The following ADAMTS20 variants were observed in gnomAD, a reference collection of about 807,000 sequenced individuals.
ADAMTS20 encodes ADAM metallopeptidase with thrombospondin type 1 motif 20.
ADAMTS20 carries 225 observed loss-of-function variants against 260.1 expected under a neutral mutation model. The ratio of observed to expected loss-of-function variants is 0.87; its 90% confidence interval spans 0.78 to 0.97. ADAMTS20 has a LOEUF of 0.97. Among genes scored for constraint, ADAMTS20 ranks in the 50% least tolerant of loss-of-function variants. The pLI is 0.00. For missense variants in ADAMTS20, 2,400 were observed against 2,337.7 expected (o/e 1.03, Z -0.55); for synonymous variants, 802 against 769.5 (o/e 1.04, Z -0.70).
At chr12:43,496,457 A>G (rs1260289648) in intron 4 of ADAMTS20, among the ~76,000 whole-genome samples, 1 of 152,200 alleles carries the variant, frequency 6.6e-6, no homozygotes, top group African/African-American at 2.4e-5. Flanking sequence ...AAAACATTTG[A>G]AGACATTTCA....
intron 7 of ADAMTS20, among the ~76,000 whole-genome samples, chr12:43,481,949 T>G (rs192206476): frequency 4.6e-4 from 69 of 151,056 alleles, no homozygotes; most frequent in African/African-American, 1.6e-3. Context: ...CTCCCAAGGG[T>G]GAATTGGGGA....
intron 31 of ADAMTS20, among the ~76,000 whole-genome samples, chr12:43,378,627 T>G (rs7955963): frequency 0.015 from 2,355 of 152,206 alleles, 54 homozygotes; most frequent in African/African-American, 0.053. Context: ...TCAAAATACA[T>G]GTATAGGAAT....
At chr12:43,460,211 A>G (rs1160940003) in intron 11 of ADAMTS20, among the ~76,000 whole-genome samples, 1 of 152,204 alleles carries the variant, frequency 6.6e-6, no homozygotes, top group Non-Finnish European at 1.5e-5. Flanking sequence ...CTTTGCTTTC[A>G]ATCTGCATTG....
intron 18 of ADAMTS20, among the ~76,000 whole-genome samples, chr12:43,435,665 AT>A (rs1285539057): frequency 4.3e-5 from 6 of 138,554 alleles, no homozygotes; most frequent in African/African-American, 7.9e-5. Context: ...AAACAAAAAA[AT>A]AAAAATAAAA....
chr12:43,551,996 C>G lies in ADAMTS20; in HGVS notation c.-75G>C, dbSNP rs970561098. The G allele has an allele frequency of 6.4e-6, 8 of 1,257,706 alleles. No individual in the cohort carries two copies. In the African/African-American group the frequency reaches 1.0e-4, roughly 16 times the overall value. 77.9% of individuals were successfully genotyped at this position (1,257,706 alleles called of 1,614,324 possible). On this transcript the variant is annotated 5_prime_UTR_variant, in exon 1 of 39. Transcript: ENST00000389420. The surrounding 1 kb of genome is among the most constrained non-coding windows in gnomAD (Gnocchi z 4.6). ...AGCCAAGCCGGCTTCCCTCGCGCTC[C>G]GATCCCTCTCCTCCCTCTCGCCCGC...
At chr12:43,510,378 T>A (rs1162361770) in intron 3 of ADAMTS20, among the ~76,000 whole-genome samples, 1 of 152,064 alleles carries the variant, frequency 6.6e-6, no homozygotes, top group African/African-American at 2.4e-5. Flanking sequence ...ACTGTAATTT[T>A]AAATTTAAAT....
chr12:43,425,428 C>T (rs944360346), intron 28 of ADAMTS20, 86 bp downstream of exon 28: 21 of 1,183,796 alleles, frequency 1.8e-5, no homozygotes, highest in South Asian at 5.3e-5. Flanking sequence ...AAATAAAAGT[C>T]GAAGAAAAGA....
intron 3 of ADAMTS20, among the ~76,000 whole-genome samples, chr12:43,513,367 A>T (rs1942951465): frequency 6.6e-6 from 1 of 152,210 alleles, no homozygotes; most frequent in Non-Finnish European, 1.5e-5. Flanking sequence ...ATTCCTGCAT[A>T]CATTGGGAAC....
At chr12:43,371,569 T>C (rs1037341083) in intron 36 of ADAMTS20, among the ~76,000 whole-genome samples, 1 of 152,054 alleles carries the variant, frequency 6.6e-6, no homozygotes, top group East Asian at 1.9e-4. Flanking sequence ...ATGGTCTTAT[T>C]TAGAAGATAA....
At chr12:43,407,134 A>T (rs1383608048) in intron 28 of ADAMTS20, among the ~76,000 whole-genome samples, 1 of 152,030 alleles carries the variant, frequency 6.6e-6, no homozygotes, top group Non-Finnish European at 1.5e-5. Context: ...ATTTGGTTTT[A>T]AAAATATTTA....
In ADAMTS20 at chr12:43,354,391, C is replaced by T. The variant is rs1169484302; in HGVS notation, c.5644-93G>A. ...AAAGCAAATGCTTTGAATCATATGG[C>T]TAAAATCATTAGCAGAGGTTTCCTA... On this transcript the variant is annotated intron_variant, in intron 38 of 38. Coordinates refer to ENST00000389420, the MANE Select transcript of ADAMTS20 (RefSeq NM_025003.5). 30 of 867,528 alleles carry T rather than the reference C, an allele frequency of 3.5e-5. 1 individual carries two copies. Among genetic ancestry groups the T allele is most frequent in the South Asian group, 3.1e-4 (19 of 62,012 alleles). The allele number at this position is 867,528 out of a possible 1,614,324, so 53.7% of individuals were successfully genotyped here. A position where few individuals can be genotyped will look rare whatever the true frequency, so the allele number is the denominator to read the frequency against.
At chr12:43,501,505 G>C (rs1185406149) in intron 4 of ADAMTS20, among the ~76,000 whole-genome samples, 2 of 39,050 alleles carry the variant, frequency 5.1e-5, no homozygotes, top group South Asian at 2.4e-3. Flanking sequence ...ACACACACAT[G>C]TAAGGATGAA....
At chr12:43,536,385 G>A (rs546755281) in intron 2 of ADAMTS20, among the ~76,000 whole-genome samples, 13 of 152,212 alleles carry the variant, frequency 8.5e-5, no homozygotes, top group Admixed American at 2.6e-4. Flanking sequence ...GCCAAGAACC[G>A]TTCTAGGGGC....
chr12:43,496,958 A>C (rs1459512151), intron 4 of ADAMTS20, among the ~76,000 whole-genome samples: 2 of 152,164 alleles, frequency 1.3e-5, no homozygotes, highest in Non-Finnish European at 2.9e-5. Context: ...CATAGGACTA[A>C]TATTCCATTC....
chr12:43,415,009 C>CAT (rs1480634980), intron 28 of ADAMTS20, among the ~76,000 whole-genome samples: 2 of 152,036 alleles, frequency 1.3e-5, no homozygotes, highest in Non-Finnish European at 2.9e-5. Context: ...ATATACAAGT[C>CAT]ATAGAAGTTA....
At chr12:43,370,216 G>A (rs541478874) in intron 36 of ADAMTS20, among the ~76,000 whole-genome samples, 6 of 152,232 alleles carry the variant, frequency 3.9e-5, no homozygotes, top group South Asian at 2.1e-4. Context: ...TCTCCAAAGG[G>A]CAGTTTCAAA....
chr12:43,499,393 A>C (rs1407844471), intron 4 of ADAMTS20, among the ~76,000 whole-genome samples: 2 of 151,996 alleles, frequency 1.3e-5, no homozygotes, highest in Non-Finnish European at 2.9e-5. Context: ...GTCTGTCTCC[A>C]TTCCCTTCAA....
intron 15 of ADAMTS20, among the ~76,000 whole-genome samples, chr12:43,444,907 A>T (rs1941732807): frequency 6.6e-6 from 1 of 152,226 alleles, no homozygotes; most frequent in Non-Finnish European, 1.5e-5. Context: ...TATCTAAGGC[A>T]TCACATTTTT....
intron 2 of ADAMTS20, among the ~76,000 whole-genome samples, chr12:43,541,979 G>A (rs12321636): frequency 0.015 from 2,269 of 152,264 alleles, 52 homozygotes; most frequent in African/African-American, 0.051. Context: ...AACAAAGACT[G>A]GACTCATCTA....
Sources: gnomAD v4.1 joint callset for allele counts (sites outside exome capture counted in the v4.1 genomes callset) on GRCh38, gnomAD v4.1.1 for gene constraint, Gnocchi (gnomAD v3.1) non-coding constraint, MANE v1.5 for transcripts, NCBI Gene and HGNC (gene_info 2026-07-23, HGNC 2026-07-21) for gene names.